The following TDRD6 variants were observed in gnomAD, a reference collection of about 807,000 sequenced individuals.
TDRD6 encodes the protein tudor domain containing 6.
In TDRD6, 186 loss-of-function variants were observed where a neutral mutation model predicts 157.5. That is an observed-to-expected ratio of 1.18 (90% CI 1.05 to 1.33). The LOEUF is 1.33. Among genes scored for constraint, TDRD6 ranks in the 40% most tolerant of loss-of-function variants. The pLI is 0.00. For synonymous variants in TDRD6, 1,075 were observed against 945.2 expected (o/e 1.14, Z -2.52); for missense variants, 3,066 against 2,508.0 (o/e 1.22, Z -4.75).
intron 3 of TDRD6, 111 bp from the exon 4 acceptor site, chr6:46,701,747 C>T: frequency 2.1e-6 from 2 of 956,700 alleles, no homozygotes; most frequent in Admixed American, 2.0e-5. Flanking sequence ...ACTCATCTGT[C>T]CCCTCTCCCT....
rs7750818 is a variant in TDRD6 at position 46,688,968 on chromosome 6, C to T, written c.840C>T (p.Ser280=). The T allele has an allele frequency of 6.2e-7, 1 of 1,613,416 alleles. No individual in the cohort carries two copies. The part of the protein sequence containing the change: ...RSVSQEIHRL[S]ESMAQVYRGS... Reference sequence around the variant, plus strand: ...TCTCGCAGGAGATCCACCGCCTCTCCGAGAGCATGGCCCAGGTATACCGGG... The same window carrying T: ...TCTCGCAGGAGATCCACCGCCTCTCTGAGAGCATGGCCCAGGTATACCGGG... The change falls in exon 1 of 4, where the codon TCC becomes TCT. Residue 280 remains serine (S), a synonymous_variant. Coordinates refer to ENST00000316081, the MANE Select transcript of TDRD6 (RefSeq NM_001010870.3).
chr6:46,693,414 A>G lies in TDRD6; in HGVS notation c.5286A>G (p.Gly1762=), dbSNP rs1764401704. 1 of 1,613,986 alleles carries G rather than the reference A, an allele frequency of 6.2e-7. No homozygotes were observed. Among genetic ancestry groups the G allele is most frequent in the African/African-American group, 1.3e-5 (1 of 74,930 alleles). The change falls in exon 1 of 4, where the codon GGA becomes GGG. Residue 1762 remains glycine, a synonymous_variant. Transcript: ENST00000316081. ...EITEKDVNII[G]TKPSNFRDPK... is the part of the protein sequence containing the mutation. ...CTGAAAAAGATGTAAACATTATTGG[A>G]ACCAAACCAAGTAACTTCCGTGACC...
the TDRD6 span, among the ~76,000 whole-genome samples, chr6:46,680,325 T>C: frequency 5.5e-4 from 82 of 148,456 alleles, no homozygotes; most frequent in South Asian, 2.6e-3. Context: ...ACTCTGTCCG[T>C]GAAAGAAAAA....
In TDRD6 at chr6:46,693,350, T is replaced by C; in HGVS notation, c.5222T>C (p.Ile1741Thr). The part of the protein sequence containing the change: ...KLSNKAVQNK[I>T]YMEQQTDELA... ...AGTAATAAAGCTGTACAAAATAAAA[T>C]ATATATGGAACAACAGACAGATGAG... The change falls in exon 1 of 4, where the codon ATA (isoleucine) becomes ACA (threonine). Residue 1741 changes from isoleucine (I) to threonine (T), a missense_variant. By Grantham distance (89) the Ile-to-Thr change is moderately conservative. Transcript: ENST00000316081. 1 of 1,604,734 alleles carries C rather than the reference T, an allele frequency of 6.2e-7. No individual in the cohort carries two copies. The highest frequency in any genetic ancestry group is 8.5e-7 in the Non-Finnish European group (1 of 1,177,602).
Position 46,691,580 on chromosome 6 carries a change from G to C in TDRD6, c.3452G>C (p.Ser1151Thr). Residue 1151 changes from serine (S) to threonine (T), a missense_variant, in exon 1 of 4, where the codon AGT (serine) becomes ACT (threonine). Physicochemically the swap from Ser to Thr is moderately conservative, Grantham distance 58. Transcript: ENST00000316081. ...GGTGACAATATTCAAATTAGTGCTA[G>C]TATTAATAAGAAGTTGGGGCTACTT... ...LYGDNIQISA[S>T]INKKLGLLSY... 6.2e-7 allele frequency: 1 copy of C among 1,613,384 alleles called. No homozygotes were observed. Among genetic ancestry groups the C allele is most frequent in the Non-Finnish European group, 8.5e-7 (1 of 1,179,662 alleles).
Position 46,688,331 on chromosome 6 carries a change from C to T in TDRD6, c.203C>T (p.Ser68Leu), listed in dbSNP as rs943568027. The change falls in exon 1 of 4, where the codon TCG (serine) becomes TTG (leucine). Residue 68 changes from serine (S) to leucine (L), a missense_variant. Transcript: ENST00000316081. ...TGGGCGCTGGGCAGCGCCTCGGCCT[C>T]GCCCGGCGAGCTGTGCCTGGTGCAG... ...GQWALGSASA[S>L]PGELCLVQVG... 6.6e-6 allele frequency: 10 copies of T among 1,525,144 alleles called. No individual in the cohort carries two copies. The highest frequency in any genetic ancestry group is 1.7e-4 in the Middle Eastern group (1 of 5,826). 94.5% of individuals were successfully genotyped at this position (1,525,144 alleles called of 1,614,324 possible).
In TDRD6 at chr6:46,693,033, C is replaced by G. The variant is rs1283622526; in HGVS notation, c.4905C>G (p.Cys1635Trp). 1 of 1,613,352 alleles carries G rather than the reference C, an allele frequency of 6.2e-7. No individual in the cohort carries two copies. The highest frequency in any genetic ancestry group is 1.1e-5 in the South Asian group (1 of 90,944). Residue 1635 changes from cysteine (C) to tryptophan (W), a missense_variant, in exon 1 of 4, where the codon TGC becomes TGG. Coordinates refer to ENST00000316081, the MANE Select transcript of TDRD6 (RefSeq NM_001010870.3). ...LSVPMQAFPCCLSGFNISEGL... is the reference protein window; with the variant it reads ...LSVPMQAFPCWLSGFNISEGL... ...TTCCCATGCAAGCCTTTCCATGTTG[C>G]CTCTCAGGGTTTAACATTTCAGAAG...
In TDRD6 at chr6:46,688,201, C is replaced by A; in HGVS notation, c.73C>A (p.Pro25Thr). The A allele has an allele frequency of 6.5e-7, 1 of 1,546,992 alleles. No individual in the cohort carries two copies. The highest frequency in any genetic ancestry group is 2.4e-5 in the East Asian group (1 of 41,926). ...ALRVSFVDVH[P>T]DVIPVQLWGL... The stretch of plus-strand genomic sequence containing the variant: ...GCGGGTGTCCTTCGTGGACGTGCAT[C>A]CCGATGTGATCCCGGTGCAGCTGTG... The change falls in exon 1 of 4, where the codon CCC (proline) becomes ACC (threonine). Residue 25 changes from proline to threonine, a missense_variant. By Grantham distance (38) the Pro-to-Thr change is conservative. Transcript: ENST00000316081.
Position 46,687,943 on chromosome 6 carries a change from G to T in TDRD6, c.-186G>T, listed in dbSNP as rs1357261126. 1 of 919,584 alleles carries T rather than the reference G, an allele frequency of 1.1e-6. No individual in the cohort carries two copies. The highest frequency in any genetic ancestry group is 3.8e-5 in the Admixed American group (1 of 26,104). The allele number at this position is 919,584 out of a possible 1,614,324, so 57.0% of individuals were successfully genotyped here. ...GGCTACCGGGTCTTACCAGTCCGTG[G>T]CGGGAGTCCCGGAGGACCCTCGACG... On this transcript the variant is annotated 5_prime_UTR_variant, in exon 1 of 4. Transcript: ENST00000316081.
Position 46,693,368 on chromosome 6 carries a change from C to G in TDRD6, c.5240C>G (p.Thr1747Arg). Reference sequence around the variant, plus strand: ...AATAAAATATATATGGAACAACAGACAGATGAGCTTGCTGAAATAACTGAA... The same window carrying G: ...AATAAAATATATATGGAACAACAGAGAGATGAGCTTGCTGAAATAACTGAA... The part of the protein sequence containing the change: ...VQNKIYMEQQ[T>R]DELAEITEKD... Residue 1747 changes from threonine to arginine, a missense_variant, in exon 1 of 4, where the codon ACA becomes AGA. Thr to Arg is a moderately conservative substitution (Grantham distance 71). Coordinates refer to ENST00000316081, the MANE Select transcript of TDRD6 (RefSeq NM_001010870.3). 6.2e-7 allele frequency: 1 copy of G among 1,610,836 alleles called. No individual in the cohort carries two copies. The highest frequency in any genetic ancestry group is 8.5e-7 in the Non-Finnish European group (1 of 1,179,232).
chr6:46,693,222 T>C lies in TDRD6; in HGVS notation c.5094T>C (p.Tyr1698=), dbSNP rs751731626. ...GTATTAATGAGAAAATGGAGAAATATTCTAAGACTGGTATTAAAAGTGCTC... is the reference window on the plus strand; with the variant it reads ...GTATTAATGAGAAAATGGAGAAATACTCTAAGACTGGTATTAAAAGTGCTC... ...GKSINEKMEK[Y]SKTGIKSALP... is the part of the protein sequence containing the mutation. The change falls in exon 1 of 4, where the codon TAT becomes TAC. Residue 1698 remains tyrosine (Y), a synonymous_variant. Transcript: ENST00000316081. The C allele has an allele frequency of 6.2e-7, 1 of 1,613,098 alleles. No homozygotes were observed. Among genetic ancestry groups the C allele is most frequent in the Non-Finnish European group, 8.5e-7 (1 of 1,179,722 alleles).
At chr6:46,698,187 G>C (rs1764542909) in intron 3 of TDRD6, 100 bp downstream of exon 3, 1 of 780,098 alleles carries the variant, frequency 1.3e-6, no homozygotes, top group South Asian at 2.6e-5. Context: ...TGGAAAAATG[G>C]GAGAAAAATC....
rs1365976802 is a variant in TDRD6 at position 46,689,185 on chromosome 6, T to G, written c.1057T>G (p.Leu353Val). 6.2e-7 allele frequency: 1 copy of G among 1,613,578 alleles called. No homozygotes were observed. Residue 353 changes from leucine to valine, a missense_variant, in exon 1 of 4, where the codon TTA becomes GTA. Coordinates refer to ENST00000316081, the MANE Select transcript of TDRD6 (RefSeq NM_001010870.3). The part of the protein sequence containing the change: ...VLHVDYGRKE[L>V]VSCSSLRYLL... ...TCATGTGGACTATGGAAGGAAGGAG[T>G]TAGTGAGTTGCAGCAGCCTTCGGTA...
In TDRD6 at chr6:46,690,379, C is replaced by T. The variant is rs759995668; in HGVS notation, c.2251C>T (p.Leu751Phe). Reference sequence around the variant, plus strand: ...GAAAAGAGCATCTGTTTATTTTCCTCTTATGCAGAATTGCTTGGAAATTAA... The same window carrying T: ...GAAAAGAGCATCTGTTTATTTTCCTTTTATGCAGAATTGCTTGGAAATTAA... ...KVKRASVYFP[L>F]MQNCLEIKPG... is the part of the protein sequence containing the mutation. The change falls in exon 1 of 4, where the codon CTT becomes TTT. Residue 751 changes from leucine (L) to phenylalanine (F), a missense_variant. By Grantham distance (22) the Leu-to-Phe change is conservative. Coordinates refer to ENST00000316081, the MANE Select transcript of TDRD6 (RefSeq NM_001010870.3). The T allele has an allele frequency of 1.5e-5, 24 of 1,613,788 alleles. No individual in the cohort carries two copies. The highest frequency in any genetic ancestry group is 1.3e-4 in the South Asian group (12 of 91,078).
the TDRD6 span, chr6:46,681,510 T>C: frequency 6.4e-6 from 3 of 470,630 alleles, no homozygotes; most frequent in South Asian, 3.1e-5. Context: ...TCTCTCCCCA[T>C]ACTTTACCCC....
chr6:46,683,552 AT>A (rs1764012970), upstream of TDRD6, among the ~76,000 whole-genome samples: 1 of 152,124 alleles, frequency 6.6e-6, no homozygotes, highest in Admixed American at 6.6e-5. Context: ...AACTGTAAAC[AT>A]TTGTCAAAAT....
At chr6:46,695,748 ATGCTT>A (rs1266379665) in intron 1 of TDRD6, 68 bp from the exon 2 acceptor site, 4 of 1,444,010 alleles carry the variant, frequency 2.8e-6, no homozygotes, top group African/African-American at 2.9e-5. Context: ...GATTAGGAAA[ATGCTT>A]TGCTTGTGTA....
At position 46,701,908 on chromosome 6, in the gene TDRD6, CCAAT is replaced by C. The variant is rs760216199; in HGVS notation, c.*24_*27del. 6 of 1,610,058 alleles carry C rather than the reference CCAAT, an allele frequency of 3.7e-6. No homozygotes were observed. The highest frequency in any genetic ancestry group is 3.3e-5 in the Admixed American group (2 of 59,852). On this transcript the variant is annotated 3_prime_UTR_variant, in exon 4 of 4. Coordinates refer to ENST00000316081, the MANE Select transcript of TDRD6 (RefSeq NM_001010870.3). The stretch of plus-strand genomic sequence containing the variant: ...TTTAACCGTGGATCTATAGCTGTGG[CCAAT>C]CAGTCAGAAGCTGCCCTTGAACAAG...
At position 46,698,056 on chromosome 6, in the gene TDRD6, G is replaced by A. The variant is rs778766920; in HGVS notation, c.6230G>A (p.Gly2077Asp). 2 of 1,610,172 alleles carry A rather than the reference G, an allele frequency of 1.2e-6. No individual in the cohort carries two copies. The highest frequency in any genetic ancestry group is 8.5e-7 in the Non-Finnish European group (1 of 1,177,422). ...EIVNPENVWN[G>D]IPKLDKSPPE... ...GTGAACCCTGAGAATGTCTGGAATG[G>A]CATACCCAAATTGGATAAGAGTCCA... is the stretch of plus-strand genomic sequence containing the variant. The change falls in exon 3 of 4, where the codon GGC becomes GAC. Residue 2077 changes from glycine (G) to aspartate (D), a missense_variant. By Grantham distance (94) the Gly-to-Asp change is moderately conservative. Transcript: ENST00000316081.
Sources: gnomAD v4.1 joint callset for allele counts (sites outside exome capture counted in the v4.1 genomes callset) on GRCh38, gnomAD v4.1.1 for gene constraint, MANE v1.5 for transcripts, NCBI Gene and HGNC (gene_info 2026-07-23, HGNC 2026-07-21) for gene names.